Variants in GRID2 observed in about 807,000 individuals in gnomAD.
GRID2 encodes the protein glutamate ionotropic receptor delta type subunit 2.
A neutral mutation model predicts 114.8 loss-of-function variants in GRID2; 33 were observed. That is an observed-to-expected ratio of 0.29 (90% confidence interval 0.22 to 0.38). GRID2 has a LOEUF of 0.38. GRID2 is among the 10% of genes least tolerant of loss of function. The pLI, the probability that GRID2 is intolerant of heterozygous loss-of-function variation, is 1.00. For synonymous variants in GRID2, 505 were observed against 449.9 expected, an observed-to-expected ratio of 1.12 and a Z score of -1.55; for missense variants, 1,184 against 1,257.7, an observed-to-expected ratio of 0.94 and a Z score of 0.89.
chr4:93,061,757 T>C (rs1322018273), intron 2 of GRID2, among the ~76,000 whole-genome samples: 1 of 152,134 alleles, frequency 6.6e-6, no homozygotes, highest in Non-Finnish European at 1.5e-5. Context: ...TTTTCCACAC[T>C]AGAACACATT....
intron 14 of GRID2, among the ~76,000 whole-genome samples, chr4:93,714,207 G>T (rs1238195128): frequency 6.6e-6 from 1 of 151,904 alleles, no homozygotes; most frequent in East Asian, 1.9e-4. Flanking sequence ...TTCTTTTCCT[G>T]TGTTAGTTTG....
intron 7 of GRID2, among the ~76,000 whole-genome samples, chr4:93,236,815 G>T (rs76492783): frequency 6.6e-6 from 1 of 151,946 alleles, no homozygotes; most frequent in East Asian, 1.9e-4. Context: ...ATATTTAAGC[G>T]TATAATAATT....
chr4:92,838,751 T>A (rs974413805), intron 2 of GRID2: 1 of 152,118 alleles, frequency 6.6e-6, no homozygotes, highest in African/African-American at 2.4e-5. Context: ...TAAACTAACA[T>A]TCCTCCATAT....
chr4:92,582,563 T>C (rs1212631299), intron 1 of GRID2, among the ~76,000 whole-genome samples: 1 of 151,876 alleles, frequency 6.6e-6, no homozygotes, highest in Admixed American at 6.6e-5. Context: ...ATGCAAAAAG[T>C]ACTAGAAATT....
intron 1 of GRID2, among the ~76,000 whole-genome samples, chr4:92,532,770 A>AT (rs1725415565): frequency 6.6e-6 from 1 of 152,098 alleles, no homozygotes; most frequent in African/African-American, 2.4e-5. Context: ...GTATTTTGCC[A>AT]TTTTTTAAAT....
In GRID2 at chr4:93,078,335, A is replaced by T. The variant is rs35114681; in HGVS notation, c.245-6660A>T. On this transcript the variant is annotated intron_variant, in intron 2 of 15. Coordinates refer to ENST00000282020, the MANE Select transcript of GRID2 (RefSeq NM_001510.4). Reference sequence around the variant, plus strand: ...GAAAAATGTTTTTGGGCTATCATAGAATAACGTTCTCTTTTGGCCTGGAAC... The same window carrying T: ...GAAAAATGTTTTTGGGCTATCATAGTATAACGTTCTCTTTTGGCCTGGAAC... Among the ~76,000 whole-genome samples, 339 of 152,228 alleles carry T rather than the reference A, an allele frequency of 2.2e-3. 2 individuals are homozygous for T. The highest frequency in any genetic ancestry group is 4.1e-3 in the Non-Finnish European group (282 of 68,014).
At chr4:93,604,969 T>C (rs531225470) in intron 13 of GRID2, among the ~76,000 whole-genome samples, 3 of 152,312 alleles carry the variant, frequency 2.0e-5, no homozygotes, top group Admixed American at 1.3e-4. Flanking sequence ...GCAATATTTG[T>C]TTTAATGCTG....
chr4:92,533,132 C>T (rs987316108), intron 1 of GRID2, among the ~76,000 whole-genome samples: 4 of 151,596 alleles, frequency 2.6e-5, no homozygotes, highest in African/African-American at 4.8e-5. Context: ...AATAAATATT[C>T]ATTGTCATGC....
chr4:93,384,589 A>G (rs1001554420), intron 8 of GRID2, among the ~76,000 whole-genome samples: 6 of 152,202 alleles, frequency 3.9e-5, no homozygotes, highest in African/African-American at 1.4e-4. Context: ...ATGATGTTCT[A>G]TATTTCCTTG....
chr4:93,019,719 C>G (rs1012994917), intron 2 of GRID2, among the ~76,000 whole-genome samples: 2 of 152,096 alleles, frequency 1.3e-5, no homozygotes, highest in African/African-American at 2.4e-5. Flanking sequence ...TAAAAGGATG[C>G]CTTCCCTTCA....
At chr4:93,416,431 A>C (rs2149359665) in intron 9 of GRID2, among the ~76,000 whole-genome samples, 1 of 152,236 alleles carries the variant, frequency 6.6e-6, no homozygotes, top group African/African-American at 2.4e-5. Context: ...CAAGCCATTA[A>C]GAAATAGTCT....
chr4:93,080,815 G>A (rs1284538256), intron 2 of GRID2, among the ~76,000 whole-genome samples: 2 of 152,128 alleles, frequency 1.3e-5, no homozygotes, highest in Non-Finnish European at 2.9e-5. Flanking sequence ...ATAATAAACA[G>A]AAACTTATTT....
intron 2 of GRID2, among the ~76,000 whole-genome samples, chr4:92,856,399 A>C (rs989535552): frequency 5.9e-5 from 9 of 152,082 alleles, no homozygotes; most frequent in Non-Finnish European, 1.0e-4. Context: ...AATATGCCTA[A>C]ATTTAAACAG....
intron 1 of GRID2, among the ~76,000 whole-genome samples, chr4:92,580,275 A>G (rs1728116649): frequency 6.6e-6 from 1 of 151,556 alleles, no homozygotes; most frequent in African/African-American, 2.4e-5. Context: ...AAAAATAATC[A>G]GTGGATATCT....
At chr4:93,674,910 T>C (rs561994800) in intron 14 of GRID2, among the ~76,000 whole-genome samples, 2 of 152,084 alleles carry the variant, frequency 1.3e-5, no homozygotes, top group African/African-American at 2.4e-5. Context: ...GAAATACAGA[T>C]AAATAAGTAA....
intron 14 of GRID2, among the ~76,000 whole-genome samples, chr4:93,654,855 C>T (rs1381102321): frequency 1.3e-5 from 2 of 152,080 alleles, no homozygotes; most frequent in Non-Finnish European, 2.9e-5. Context: ...GTAGACTCTG[C>T]TAATGGATGC....
intron 4 of GRID2, among the ~76,000 whole-genome samples, chr4:93,114,802 A>T (rs1373634131): frequency 6.6e-6 from 1 of 152,168 alleles, no homozygotes; most frequent in Non-Finnish European, 1.5e-5. Context: ...GTACACTGAA[A>T]TTCTGAAGAC....
chr4:92,332,457 G>T (rs1394080023), intron 1 of GRID2, among the ~76,000 whole-genome samples: 1 of 152,028 alleles, frequency 6.6e-6, no homozygotes, highest in Non-Finnish European at 1.5e-5. Context: ...GCTTTCTGGG[G>T]AACACATTCA....
rs75128967 is a variant in GRID2, at chr4:93,588,956, A to G, written c.2194-37313A>G. Among the ~76,000 whole-genome samples the G allele has an allele frequency of 5.7e-3, 861 of 152,170 alleles. 12 individuals carry two copies. Among genetic ancestry groups the G allele is most frequent in the African/African-American group, 0.019 (791 of 41,506 alleles). ...ATGAACTCTCCAGCAGGTTCATCAT[A>G]TACATTATACCCAGAATGAAGTCCT... On this transcript the variant is annotated intron_variant, in intron 13 of 15. Coordinates refer to ENST00000282020, the MANE Select transcript of GRID2 (RefSeq NM_001510.4).
Sources: allele counts gnomAD v4.1 joint callset (sites outside exome capture counted in the v4.1 genomes callset), GRCh38; gene constraint gnomAD v4.1.1; transcripts MANE v1.5; gene names NCBI Gene and HGNC (gene_info 2026-07-23, HGNC 2026-07-21).